Variants in EBF1 observed in about 807,000 individuals in gnomAD.
EBF1 encodes transcription factor COE1.
EBF1 carries 10 observed loss-of-function variants against 68.4 expected under a neutral mutation model. The observed-to-expected ratio is 0.15, with a 90% CI of 0.09 to 0.25. EBF1 has a LOEUF of 0.25. Among genes scored for constraint, EBF1 ranks in the 10% least tolerant of loss-of-function variants. The pLI is 1.00. For missense variants in EBF1, 509 were observed against 794.4 expected (o/e 0.64, Z 4.32); for synonymous variants, 298 against 299.8 (o/e 0.99, Z 0.06).
In EBF1 at chr5:158,698,828, AAAAAAG is replaced by A. The variant is rs1314728971; in HGVS notation, c.*277_*282del. 27 of 326,508 alleles carry A rather than the reference AAAAAAG, an allele frequency of 8.3e-5. No individual in the cohort carries two copies. Among genetic ancestry groups the A allele is most frequent in the African/African-American group, 3.6e-4 (17 of 47,228 alleles). 20.2% of individuals were successfully genotyped at this position (326,508 alleles called of 1,614,324 possible). ...TGATTGCAGAATTAAGCTTAAAAAA[AAAAAAG>A]AAAAAGAAAAAGTGGATTTGCTTTT... On this transcript the variant is annotated 3_prime_UTR_variant, in exon 16 of 16. Transcript: ENST00000313708.
At chr5:158,900,982 C>G (rs2009612) in intron 6 of EBF1, among the ~76,000 whole-genome samples, 24,303 of 150,954 alleles carry the variant, frequency 0.16, 1,993 homozygotes, top group Non-Finnish European at 0.19. Context: ...CCAAAGCAAC[C>G]TTACATATTA....
intron 10 of EBF1, among the ~76,000 whole-genome samples, chr5:158,745,594 C>T (rs1485592722): frequency 6.6e-6 from 1 of 152,132 alleles, no homozygotes; most frequent in African/African-American, 2.4e-5. Context: ...GAGACTAGAC[C>T]AGTTGCTACA....
rs189199691 is a variant in EBF1, at chr5:158,755,093, G to T, written c.1036+22320C>A. On this transcript the variant is annotated intron_variant, in intron 10 of 15. Transcript: ENST00000313708. ...CTATTGTAGAACATATTATGGCTGA[G>T]AAGTAAAATTAAAAGGGGGATAGAT... 1.8e-3 allele frequency among the ~76,000 whole-genome samples: 279 copies of T among 152,188 alleles called. 2 individuals are homozygous for T. Among genetic ancestry groups the T allele is most frequent in the African/African-American group, 6.6e-3 (273 of 41,542 alleles).
At chr5:158,822,564 A>G (rs1041288441) in intron 8 of EBF1, among the ~76,000 whole-genome samples, 5 of 152,182 alleles carry the variant, frequency 3.3e-5, no homozygotes, top group African/African-American at 4.8e-5. Context: ...ACCAAAGTCT[A>G]CTTACAGACA....
At chr5:158,890,533 A>G (rs1800964049) in intron 6 of EBF1, among the ~76,000 whole-genome samples, 2 of 152,318 alleles carry the variant, frequency 1.3e-5, no homozygotes, top group South Asian at 4.1e-4. Flanking sequence ...TATCTTACAT[A>G]CCTCAGTCAT....
intron 7 of EBF1, among the ~76,000 whole-genome samples, chr5:158,839,747 GTACTT>G (rs1440812992): frequency 6.6e-6 from 1 of 152,118 alleles, no homozygotes; most frequent in South Asian, 2.1e-4. Context: ...TCATTTCTAT[GTACTT>G]TACTTAATCT....
chr5:158,907,528 C>T (rs373754131), intron 6 of EBF1, among the ~76,000 whole-genome samples: 7 of 152,088 alleles, frequency 4.6e-5, no homozygotes, highest in African/African-American at 9.7e-5. Flanking sequence ...TATAAAACCA[C>T]GTTAAGCTGG....
chr5:158,992,255 A>G (rs1760486659), intron 6 of EBF1, among the ~76,000 whole-genome samples: 1 of 151,882 alleles, frequency 6.6e-6, no homozygotes, highest in Non-Finnish European at 1.5e-5. Context: ...CCTTTTACCT[A>G]AATGCAAGTC....
At chr5:159,062,315 A>G (rs1308282976) in intron 6 of EBF1, among the ~76,000 whole-genome samples, 1 of 152,154 alleles carries the variant, frequency 6.6e-6, no homozygotes, top group African/African-American at 2.4e-5. Flanking sequence ...CTAGCAGGCC[A>G]GGCGCCTGAT....
intron 1 of EBF1, among the ~76,000 whole-genome samples, chr5:159,098,824 A>C (rs1783116460): frequency 6.6e-6 from 1 of 151,770 alleles, no homozygotes; most frequent in African/African-American, 2.4e-5. Flanking sequence ...AGGAAGAAAG[A>C]AAAAAGAAAG....
At chr5:159,041,857 T>A (rs1771259504) in intron 6 of EBF1, among the ~76,000 whole-genome samples, 1 of 152,206 alleles carries the variant, frequency 6.6e-6, no homozygotes, top group Non-Finnish European at 1.5e-5. Flanking sequence ...TGCTTATGAT[T>A]GACACTGTCA....
chr5:158,764,306 T>C (rs1039223340), intron 10 of EBF1, among the ~76,000 whole-genome samples: 2 of 152,160 alleles, frequency 1.3e-5, no homozygotes, highest in African/African-American at 4.8e-5. Flanking sequence ...CTGGTGTAAA[T>C]ATCTACCACT....
At chr5:158,761,522 T>C (rs980511896) in intron 10 of EBF1, among the ~76,000 whole-genome samples, 1 of 152,210 alleles carries the variant, frequency 6.6e-6, no homozygotes, top group Non-Finnish European at 1.5e-5. Context: ...GGTAATTACA[T>C]GGTAATTCAC....
At chr5:158,844,583 A>G (rs1243462408) in intron 6 of EBF1, among the ~76,000 whole-genome samples, 1 of 152,230 alleles carries the variant, frequency 6.6e-6, no homozygotes, top group African/African-American at 2.4e-5. Context: ...AGAAGACATG[A>G]CAATATTCAC....
intron 8 of EBF1, among the ~76,000 whole-genome samples, chr5:158,820,112 T>C (rs1245770846): frequency 6.6e-6 from 1 of 152,020 alleles, no homozygotes; most frequent in Non-Finnish European, 1.5e-5. Flanking sequence ...ACAAGCAGGA[T>C]ATAAATAGAG....
chr5:158,713,320 G>A (rs995988467), intron 12 of EBF1, among the ~76,000 whole-genome samples, 173 bp from the exon 13 acceptor site: 4 of 152,070 alleles, frequency 2.6e-5, no homozygotes, highest in Admixed American at 6.6e-5. Context: ...GCCTGTATCC[G>A]AAATGGGGAA....
chr5:158,798,830 C>G (rs181380956), intron 8 of EBF1, among the ~76,000 whole-genome samples: 2 of 152,052 alleles, frequency 1.3e-5, no homozygotes, highest in Non-Finnish European at 1.5e-5. Context: ...AGAAATAAAG[C>G]CTTAAAGGAA....
intron 6 of EBF1, among the ~76,000 whole-genome samples, chr5:159,015,413 C>G (rs1361233910): frequency 6.6e-6 from 1 of 152,230 alleles, no homozygotes; most frequent in Non-Finnish European, 1.5e-5. Flanking sequence ...AACTGACACT[C>G]TTGGAAGCTG....
At chr5:158,898,354 C>T (rs1802579889) in intron 6 of EBF1, among the ~76,000 whole-genome samples, 1 of 152,094 alleles carries the variant, frequency 6.6e-6, no homozygotes, top group Non-Finnish European at 1.5e-5. Context: ...AGTTCTTCTC[C>T]CTCACTATCC....
Sources: gnomAD v4.1 joint callset for allele counts (sites outside exome capture counted in the v4.1 genomes callset) on GRCh38, gnomAD v4.1.1 for gene constraint, MANE v1.5 for transcripts, NCBI Gene and HGNC (gene_info 2026-07-23, HGNC 2026-07-21) for gene names.